TMEM163: variants seen among roughly 807,000 people sequenced by gnomAD.
TMEM163 encodes transmembrane protein 163.
Under a neutral mutation model 29.3 loss-of-function variants are expected in TMEM163, and 17 were observed. That is an observed-to-expected ratio of 0.58 (90% confidence interval 0.40 to 0.87). The LOEUF is 0.87. Among genes scored for constraint, TMEM163 ranks in the 40% least tolerant of loss-of-function variants. TMEM163 has a pLI of 0.00. For synonymous variants in TMEM163, 157 were observed against 160.6 expected (o/e 0.98, Z 0.17); for missense variants, 303 against 381.5 (o/e 0.79, Z 1.71).
At chr2:134,682,063 C>T (rs184687093) in intron 2 of TMEM163, among the ~76,000 whole-genome samples, 1 of 152,162 alleles carries the variant, frequency 6.6e-6, no homozygotes, top group African/African-American at 2.4e-5. Context: ...AGTCTTTCAG[C>T]CTTTCTCAAT....
At chr2:134,643,332 C>T (rs1459896652) in intron 2 of TMEM163, among the ~76,000 whole-genome samples, 1 of 152,050 alleles carries the variant, frequency 6.6e-6, no homozygotes, top group East Asian at 1.9e-4. Context: ...GAAATATAAT[C>T]CATAATTTAC....
chr2:134,627,464 G>A (rs572885663), intron 2 of TMEM163, among the ~76,000 whole-genome samples: 2 of 152,198 alleles, frequency 1.3e-5, no homozygotes, highest in South Asian at 4.1e-4. Context: ...AGAGAACACT[G>A]AATTGCAAAT....
At chr2:134,687,450 A>G (rs765284283) in intron 2 of TMEM163, among the ~76,000 whole-genome samples, 11 of 152,250 alleles carry the variant, frequency 7.2e-5, no homozygotes, top group Non-Finnish European at 1.6e-4. Context: ...TAAAATATGT[A>G]TAAGTTTAAT....
intron 4 of TMEM163, among the ~76,000 whole-genome samples, chr2:134,548,515 C>T (rs1354186278): frequency 2.6e-5 from 4 of 152,218 alleles, no homozygotes; most frequent in Non-Finnish European, 5.9e-5. Context: ...ACATTATACT[C>T]TCTAGGCTTC....
At chr2:134,683,172 C>T (rs1430703450) in intron 2 of TMEM163, among the ~76,000 whole-genome samples, 1 of 152,102 alleles carries the variant, frequency 6.6e-6, no homozygotes, top group African/African-American at 2.4e-5. Flanking sequence ...ATGGTGGATA[C>T]ATGTCATTGT....
intron 2 of TMEM163, among the ~76,000 whole-genome samples, chr2:134,654,065 A>G (rs1459288376): frequency 1.2e-5 from 1 of 82,176 alleles, no homozygotes; most frequent in Non-Finnish European, 2.6e-5. Context: ...TATTAGGCCC[A>G]CTTGGTGCAG....
At chr2:134,637,383 T>A (rs1211444541) in intron 2 of TMEM163, among the ~76,000 whole-genome samples, 1 of 152,112 alleles carries the variant, frequency 6.6e-6, no homozygotes, top group Non-Finnish European at 1.5e-5. Context: ...TGAGATGGCA[T>A]CCCATCCAGG....
intron 2 of TMEM163, among the ~76,000 whole-genome samples, chr2:134,588,643 G>A (rs944490189): frequency 6.6e-6 from 1 of 152,118 alleles, no homozygotes; most frequent in South Asian, 2.1e-4. Context: ...TCTATACAAA[G>A]AACAAATGCT....
rs555732740 is a variant in TMEM163, at chr2:134,584,636, T to C, written c.323-32545A>G. 1.1e-3 allele frequency among the ~76,000 whole-genome samples: 139 copies of C among 126,966 alleles called. 1 individual carries two copies. Among genetic ancestry groups the C allele is most frequent in the African/African-American group, 3.8e-3 (128 of 33,514 alleles). The allele number at this position is 126,966 out of a possible 152,430, so 83.3% of individuals were successfully genotyped here. A position where few individuals can be genotyped will look rare whatever the true frequency, so the allele number is the denominator to read the frequency against. Reference sequence around the variant, plus strand: ...TAGAAGACCTCTCTGAAATTTCTAGTAAAAAAAAAAAAAAAAAAGTACAAA... The same window carrying C: ...TAGAAGACCTCTCTGAAATTTCTAGCAAAAAAAAAAAAAAAAAAGTACAAA... On this transcript the variant is annotated intron_variant, in intron 2 of 7. Transcript: ENST00000281924.
intron 5 of TMEM163, among the ~76,000 whole-genome samples, chr2:134,476,217 G>A (rs570181049): frequency 1.3e-5 from 2 of 152,346 alleles, no homozygotes; most frequent in African/African-American, 2.4e-5. Flanking sequence ...AATAAAAGAA[G>A]ATAGACACAA....
chr2:134,680,108 A>C (rs1574334127), intron 2 of TMEM163, among the ~76,000 whole-genome samples: 1 of 152,226 alleles, frequency 6.6e-6, no homozygotes, highest in Admixed American at 6.5e-5. Flanking sequence ...CTGCTAAGGC[A>C]AGACCCTGAC....
chr2:134,572,930 G>A (rs1342323136), intron 2 of TMEM163, among the ~76,000 whole-genome samples: 2 of 152,140 alleles, frequency 1.3e-5, no homozygotes, highest in African/African-American at 2.4e-5. Context: ...TTAAATATAT[G>A]CAGTTACCCA....
chr2:134,583,726 C>T (rs569597971), intron 2 of TMEM163, among the ~76,000 whole-genome samples: 129 of 152,234 alleles, frequency 8.5e-4, no homozygotes, highest in African/African-American at 2.9e-3. Context: ...ACCTCATGGT[C>T]CCCTCCCCTC....
At chr2:134,532,054 C>T (rs188729226) in intron 4 of TMEM163, among the ~76,000 whole-genome samples, 13 of 152,338 alleles carry the variant, frequency 8.5e-5, no homozygotes, top group Admixed American at 6.5e-4. Context: ...TGACCAAATA[C>T]GTATTTCATA....
intron 2 of TMEM163, among the ~76,000 whole-genome samples, chr2:134,578,976 G>A (rs184049279): frequency 8.5e-5 from 13 of 152,192 alleles, no homozygotes; most frequent in East Asian, 3.9e-4. Flanking sequence ...TGGAGAGAGC[G>A]ATCACAAAAG....
intron 1 of TMEM163, among the ~76,000 whole-genome samples, chr2:134,714,254 T>A (rs372816794): frequency 6.6e-6 from 1 of 152,206 alleles, no homozygotes; most frequent in African/African-American, 2.4e-5. Context: ...TTTTCAGCCA[T>A]GCATTTACAT....
chr2:134,663,418 CA>C (rs915704364), intron 2 of TMEM163, among the ~76,000 whole-genome samples: 3 of 151,856 alleles, frequency 2.0e-5, no homozygotes, highest in Admixed American at 6.6e-5. Context: ...TTGCTACTTC[CA>C]AAAAAAATCA....
intron 6 of TMEM163, among the ~76,000 whole-genome samples, chr2:134,462,760 G>A (rs982554040): frequency 1.3e-5 from 2 of 152,198 alleles, no homozygotes; most frequent in African/African-American, 2.4e-5. Context: ...GACCGAGATC[G>A]TGTATCTGGA....
intron 2 of TMEM163, among the ~76,000 whole-genome samples, chr2:134,646,277 G>A (rs184749534): frequency 1.5e-4 from 23 of 151,562 alleles, no homozygotes; most frequent in Middle Eastern, 6.8e-3. Flanking sequence ...TAGAGACAGC[G>A]TTTCACCATG....
Sources: allele counts gnomAD v4.1 joint callset (sites outside exome capture counted in the v4.1 genomes callset), GRCh38; gene constraint gnomAD v4.1.1; transcripts MANE v1.5; gene names NCBI Gene and HGNC (gene_info 2026-07-23, HGNC 2026-07-21).